CAMTA1: variants seen among roughly 807,000 people sequenced by gnomAD.
CAMTA1 encodes the protein calmodulin-binding transcription activator 1.
In CAMTA1, 27 loss-of-function variants were observed where a neutral mutation model predicts 170.9. That is an observed-to-expected ratio of 0.16 (90% CI 0.12 to 0.22). The LOEUF (loss-of-function observed/expected upper bound fraction) is 0.22. CAMTA1 is among the 10% of genes least tolerant of loss of function. CAMTA1 has a pLI of 1.00. For missense variants in CAMTA1, 1,619 were observed against 2,217.2 expected (o/e 0.73, Z 5.42); for synonymous variants, 833 against 891.5 (o/e 0.93, Z 1.17).
At chr1:7,190,476 A>G (rs958301075) in intron 4 of CAMTA1, among the ~76,000 whole-genome samples, 2 of 152,214 alleles carry the variant, frequency 1.3e-5, no homozygotes, top group African/African-American at 2.4e-5. Context: ...ACATAAATGT[A>G]CATATAACTT....
chr1:7,290,088 C>T (rs1363186810), intron 5 of CAMTA1, among the ~76,000 whole-genome samples: 2 of 152,192 alleles, frequency 1.3e-5, no homozygotes, highest in Non-Finnish European at 2.9e-5. Context: ...CCCTGAGAGA[C>T]TGATATAGTG....
At position 7,412,573 on chromosome 1, in the gene CAMTA1, G is replaced by C. The variant is rs182253895; in HGVS notation, c.439-55257G>C. Among the ~76,000 whole-genome samples, 426 of 152,040 alleles carry C rather than the reference G, an allele frequency of 2.8e-3. 2 individuals are homozygous for C. Among genetic ancestry groups the C allele is most frequent in the Middle Eastern group, 0.01 (3 of 292 alleles). ...AAATATCTTCTTTTGAGAAGTGTCTGTTCATATCCTTCGCCCACTTTTTGA... is the reference window on the plus strand; with the variant it reads ...AAATATCTTCTTTTGAGAAGTGTCTCTTCATATCCTTCGCCCACTTTTTGA... On this transcript the variant is annotated intron_variant, in intron 5 of 22. Coordinates refer to ENST00000303635, the MANE Select transcript of CAMTA1 (RefSeq NM_015215.4).
chr1:6,850,676 G>C (rs771521593), intron 3 of CAMTA1, among the ~76,000 whole-genome samples: 2 of 152,204 alleles, frequency 1.3e-5, no homozygotes, highest in Non-Finnish European at 2.9e-5. Flanking sequence ...AGGTAGGGAA[G>C]CCCAAGATGT....
chr1:7,738,262 G>A lies in CAMTA1; in HGVS notation c.3962G>A (p.Trp1321Ter), dbSNP rs1553272873. 1 of 1,614,082 alleles carries A rather than the reference G, an allele frequency of 6.2e-7. No homozygotes were observed. The highest frequency in any genetic ancestry group is 8.5e-7 in the Non-Finnish European group (1 of 1,180,032). Residue 1321 changes from tryptophan to a stop codon, truncating the protein, a stop_gained, in exon 16 of 23, where the codon TGG (tryptophan) becomes TAG (stop). Coordinates refer to ENST00000303635, the MANE Select transcript of CAMTA1 (RefSeq NM_015215.4). LOFTEE classifies it high-confidence loss of function. This position sits in a 1 kb window ranked among gnomAD's most constrained non-coding sequence, Gnocchi z 4.9. ...QASGSQPVGK[W>*]NSKDLYIGVS... is the part of the protein sequence containing the mutation. ...TCTGGATCTCAGCCTGTAGGAAAGT[G>A]GAATTCCAAAGATCTTTACATTGGT...
chr1:7,213,762 G>A (rs1235346486), intron 4 of CAMTA1, among the ~76,000 whole-genome samples: 6 of 143,688 alleles, frequency 4.2e-5, no homozygotes, highest in African/African-American at 7.8e-5. Context: ...TCCCCCCTCC[G>A]CCCACCCCAC....
intron 3 of CAMTA1, among the ~76,000 whole-genome samples, chr1:6,992,757 T>C (rs1696597400): frequency 6.6e-6 from 1 of 152,162 alleles, no homozygotes; most frequent in South Asian, 2.1e-4. Flanking sequence ...TCACCTGCTA[T>C]CATGAGAGCA....
chr1:7,554,611 A>G (rs2094851454), intron 6 of CAMTA1, among the ~76,000 whole-genome samples: 1 of 152,126 alleles, frequency 6.6e-6, no homozygotes, highest in South Asian at 2.1e-4. Context: ...CACTGCCTCC[A>G]CCCTGATCAT....
chr1:7,356,972 C>T (rs917887569), intron 5 of CAMTA1, among the ~76,000 whole-genome samples: 4 of 152,214 alleles, frequency 2.6e-5, no homozygotes, highest in African/African-American at 9.7e-5. Flanking sequence ...CCACACTCAG[C>T]TCCCTTCCCC....
chr1:7,708,956 T>G (rs901634354), intron 11 of CAMTA1, among the ~76,000 whole-genome samples: 3 of 152,182 alleles, frequency 2.0e-5, no homozygotes, highest in Non-Finnish European at 4.4e-5. Context: ...TTTTTTCAGC[T>G]TTCGTGTTTC....
intron 1 of CAMTA1, among the ~76,000 whole-genome samples, chr1:6,817,333 A>G (rs1645945474): frequency 6.6e-6 from 1 of 152,234 alleles, no homozygotes; most frequent in African/African-American, 2.4e-5. Flanking sequence ...TATTTTTAAC[A>G]TCGTAAAATT....
At position 7,665,435 on chromosome 1, in the gene CAMTA1, C is replaced by T. The variant is rs139612707; in HGVS notation, c.2652+236C>T. Among the ~76,000 whole-genome samples the T allele has an allele frequency of 2.5e-3, 374 of 152,258 alleles. 1 individual carries two copies. The highest frequency in any genetic ancestry group is 8.2e-3 in the African/African-American group (339 of 41,544). Reference sequence around the variant, plus strand: ...GCTTTAAAGTCAGGGGGTCTTTGGCCGGGTGCCATGGCTCAAACCTGTAAT... The same window carrying T: ...GCTTTAAAGTCAGGGGGTCTTTGGCTGGGTGCCATGGCTCAAACCTGTAAT... On this transcript the variant is annotated intron_variant, in intron 9 of 22. Coordinates refer to ENST00000303635, the MANE Select transcript of CAMTA1 (RefSeq NM_015215.4). The surrounding 1 kb of genome is among the most constrained non-coding windows in gnomAD (Gnocchi z 4.3).
At chr1:7,440,057 A>G (rs1157561110) in intron 5 of CAMTA1, among the ~76,000 whole-genome samples, 1 of 152,258 alleles carries the variant, frequency 6.6e-6, no homozygotes, top group African/African-American at 2.4e-5. Flanking sequence ...GGGTACCCGC[A>G]CTGGGCATCC....
At chr1:7,246,547 A>G (rs765406227) in intron 4 of CAMTA1, among the ~76,000 whole-genome samples, 6 of 151,886 alleles carry the variant, frequency 4.0e-5, no homozygotes, top group Non-Finnish European at 7.4e-5. Flanking sequence ...TTATGCCATC[A>G]TGAAGTGTGT....
At position 7,565,904 on chromosome 1, in the gene CAMTA1, C is replaced by T. The variant is rs971357960; in HGVS notation, c.511-74496C>T. On this transcript the variant is annotated intron_variant, in intron 6 of 22. Transcript: ENST00000303635. This position sits in a 1 kb window ranked among gnomAD's most constrained non-coding sequence, Gnocchi z 4.5. ...CCTGGCTTGCAGACAGCCGCCTTCT[C>T]GCTGTGTCCTCACATAGTAGGGAGA... Among the ~76,000 whole-genome samples, 3 of 151,772 alleles carry T rather than the reference C, an allele frequency of 2.0e-5. No homozygotes were observed. Among genetic ancestry groups the T allele is most frequent in the Non-Finnish European group, 2.9e-5 (2 of 68,012 alleles).
chr1:7,736,234 T>G lies in CAMTA1; in HGVS notation c.3067-110T>G, dbSNP rs2096771527. On this transcript the variant is annotated intron_variant, in intron 12 of 22. Transcript: ENST00000303635. The surrounding 1 kb of genome is among the most constrained non-coding windows in gnomAD (Gnocchi z 4.5). ...TTTCTTTATTTTCAGTGTTTTATGT[T>G]TTCCGTTGTGAGTTTCTAATCGTAA... 1.1e-6 allele frequency: 1 copy of G among 919,114 alleles called. No individual in the cohort carries two copies. Among genetic ancestry groups the G allele is most frequent in the South Asian group, 1.7e-5 (1 of 60,336 alleles). The allele number at this position is 919,114 out of a possible 1,614,324, so 56.9% of individuals were successfully genotyped here.
At position 7,148,103 on chromosome 1, in the gene CAMTA1, C is replaced by CCA. The variant is rs1380219876; in HGVS notation, c.302+56740_302+56741dup. Among the ~76,000 whole-genome samples, 9 of 151,480 alleles carry CCA rather than the reference C, an allele frequency of 5.9e-5. No individual in the cohort carries two copies. The South Asian group carries it at 1.9e-3, about 32-fold the overall frequency. On this transcript the variant is annotated intron_variant, in intron 4 of 22. Transcript: ENST00000303635. ...CACCATGCACACACTCAAACATACACCACACACACGCACACACACTAAAAA... is the reference window on the plus strand; with the variant it reads ...CACCATGCACACACTCAAACATACACCACACACACACGCACACACACTAAAAA...
chr1:6,842,330 C>T (rs1656134888), intron 3 of CAMTA1, among the ~76,000 whole-genome samples: 1 of 152,178 alleles, frequency 6.6e-6, no homozygotes. Flanking sequence ...CCGTGAGGCT[C>T]AGAAGAGCCA....
intron 1 of CAMTA1, among the ~76,000 whole-genome samples, chr1:6,803,809 G>T (rs1022974496): frequency 2.7e-4 from 41 of 152,226 alleles, no homozygotes; most frequent in Admixed American, 2.4e-3. Context: ...TGAATTCCTG[G>T]ACTCAAGTGA....
intron 11 of CAMTA1, among the ~76,000 whole-genome samples, chr1:7,715,142 G>A (rs898598374): frequency 2.0e-5 from 3 of 152,118 alleles, no homozygotes; most frequent in Non-Finnish European, 4.4e-5. Context: ...TACCAGTTAA[G>A]TGAGAGCAGG....
Sources: gnomAD v4.1 joint callset for allele counts (sites outside exome capture counted in the v4.1 genomes callset) on GRCh38, gnomAD v4.1.1 for gene constraint, Gnocchi (gnomAD v3.1) non-coding constraint, MANE v1.5 for transcripts, NCBI Gene and HGNC (gene_info 2026-07-23, HGNC 2026-07-21) for gene names.